MLN: variants seen among roughly 807,000 people sequenced by gnomAD.
MLN encodes the protein promotilin.
Under a neutral mutation model 13.3 loss-of-function variants are expected in MLN, and 14 were observed. The ratio of observed to expected loss-of-function variants is 1.05; its 90% CI spans 0.69 to 1.64. The LOEUF is 1.64. Ranked by LOEUF, MLN falls within the 40% of genes most tolerant of loss-of-function variation. MLN has a pLI of 0.00. For missense variants in MLN, 122 were observed against 142.9 expected (o/e 0.85, Z 0.75); for synonymous variants, 59 against 54.7 (o/e 1.08, Z -0.34).
At chr6:33,800,380 C>T (rs1768014702) in intron 2 of MLN, among the ~76,000 whole-genome samples, 1 of 152,222 alleles carries the variant, frequency 6.6e-6, no homozygotes. Context: ...GCTCCACTGC[C>T]TGAGTTCCAT....
intron 4 of MLN, 96 bp from the exon 5 acceptor site, chr6:33,794,931 G>T: frequency 6.7e-7 from 1 of 1,487,870 alleles, no homozygotes. Flanking sequence ...GGAGGAGGGG[G>T]CACAAGGGCA....
rs1206499517 is a variant in MLN, at chr6:33,799,169, G to T, written c.170C>A (p.Ser57Tyr). 2 of 1,613,082 alleles carry T rather than the reference G, an allele frequency of 1.2e-6. No homozygotes were observed. Among genetic ancestry groups the T allele is most frequent in the East Asian group, 2.2e-5 (1 of 44,850 alleles). The change falls in exon 3 of 5, where the codon TCT becomes TAT. Residue 57 changes from serine (S) to tyrosine (Y), a missense_variant. By Grantham distance (144) the Ser-to-Tyr change is moderately radical (BLOSUM62 -2). Coordinates refer to ENST00000430124, the MANE Select transcript of MLN (RefSeq NM_002418.3). This position sits in a 1 kb window ranked among gnomAD's most constrained non-coding sequence, Gnocchi z 4.6. ...AGGGTCTACAGGACCTTCCTCCCCA[G>T]ACCTCTGCCATACACTCAGGGATTT... Reference protein sequence around the residue: ...QKKSLSVWQRSGEEGPVDPAE... With the variant: ...QKKSLSVWQRYGEEGPVDPAE...
At chr6:33,801,232 C>T (rs921624738) in intron 1 of MLN, 62 bp from the exon 2 acceptor site, 66 of 1,257,686 alleles carry the variant, frequency 5.2e-5, no homozygotes, top group East Asian at 7.0e-5. Context: ...CTGCTGTGTC[C>T]GAGGCAGGGG....
At chr6:33,797,499 G>C (rs114139004) in intron 3 of MLN, among the ~76,000 whole-genome samples, 1,918 of 152,262 alleles carry the variant, frequency 0.013, 28 homozygotes, top group African/African-American at 0.043. Flanking sequence ...CTGCCATCCT[G>C]CAGCCAACCA....
At chr6:33,797,600 C>T (rs1024120186) in intron 3 of MLN, among the ~76,000 whole-genome samples, 1 of 152,180 alleles carries the variant, frequency 6.6e-6, no homozygotes, top group Non-Finnish European at 1.5e-5. Flanking sequence ...TCTTTACATC[C>T]TATATCCATT....
At chr6:33,794,897 C>T in intron 4 of MLN, 62 bp from the exon 5 acceptor site, 1 of 1,597,110 alleles carries the variant, frequency 6.3e-7, no homozygotes, top group Non-Finnish European at 8.5e-7. Flanking sequence ...AAACTGCCCT[C>T]TAAAACTTGC....
chr6:33,798,927 G>A (rs527886169), intron 3 of MLN, among the ~76,000 whole-genome samples, 178 bp downstream of exon 3: 4 of 152,028 alleles, frequency 2.6e-5, no homozygotes, highest in Non-Finnish European at 4.4e-5. Flanking sequence ...GATTTATCTC[G>A]TTGCTGGAGT....
Position 33,794,719 on chromosome 6 carries a change from G to T in MLN, c.*106C>A, listed in dbSNP as rs1582271078. The T allele has an allele frequency of 3.8e-6, 5 of 1,319,668 alleles. No homozygotes were observed. Among genetic ancestry groups the T allele is most frequent in the East Asian group, 4.8e-5 (2 of 41,524 alleles). The allele number at this position is 1,319,668 out of a possible 1,614,324, so 81.7% of individuals were successfully genotyped here. A position where few individuals can be genotyped will look rare whatever the true frequency, so the allele number is the denominator to read the frequency against. ...GCTGGAGGGGAATTTGCTTTGGAAA[G>T]GGTGTTTTCCTTCCAAGCCCAGCTG... is the stretch of plus-strand genomic sequence containing the variant. On this transcript the variant is annotated 3_prime_UTR_variant, in exon 5 of 5. Transcript: ENST00000430124.
In MLN at chr6:33,799,171, C is replaced by T; in HGVS notation, c.168G>A (p.Arg56=). Residue 56 remains arginine, a synonymous_variant, in exon 3 of 5, where the codon AGG becomes AGA. Coordinates refer to ENST00000430124, the MANE Select transcript of MLN (RefSeq NM_002418.3). The surrounding 1 kb of genome is among the most constrained non-coding windows in gnomAD (Gnocchi z 4.6). The part of the protein sequence containing the change: ...GQKKSLSVWQ[R]SGEEGPVDPA... Reference sequence around the variant, plus strand: ...GGTCTACAGGACCTTCCTCCCCAGACCTCTGCCATACACTCAGGGATTTCT... The same window carrying T: ...GGTCTACAGGACCTTCCTCCCCAGATCTCTGCCATACACTCAGGGATTTCT... The T allele has an allele frequency of 6.2e-7, 1 of 1,613,324 alleles. No individual in the cohort carries two copies. The highest frequency in any genetic ancestry group is 8.5e-7 in the Non-Finnish European group (1 of 1,179,446).
chr6:33,794,766 G>C lies in MLN; in HGVS notation c.*59C>G, dbSNP rs1582271126. On this transcript the variant is annotated 3_prime_UTR_variant, in exon 5 of 5. Coordinates refer to ENST00000430124, the MANE Select transcript of MLN (RefSeq NM_002418.3). ...GCTGGCAGGCTCTGTAAATTCCCAG[G>C]GCCTCACTTGGGCAGGAGGGGCCTC... The C allele has an allele frequency of 6.2e-7, 1 of 1,601,460 alleles. No homozygotes were observed. The highest frequency in any genetic ancestry group is 1.3e-5 in the African/African-American group (1 of 74,644).
At chr6:33,795,351 G>A (rs1298124683) in intron 4 of MLN, 152 bp downstream of exon 4, 18 of 658,322 alleles carry the variant, frequency 2.7e-5, no homozygotes, top group East Asian at 1.4e-4. Context: ...CCACCAGCAG[G>A]TATCACAGCA....
Position 33,795,559 on chromosome 6 carries a change from A to G in MLN, c.281T>C (p.Leu94Pro). 5 of 1,566,668 alleles carry G rather than the reference A, an allele frequency of 3.2e-6. No individual in the cohort carries two copies. In the South Asian group the frequency reaches 5.9e-5, roughly 18 times the overall value. ...EIGMRMNSRQ[L>P]EKYPATLEGL... ...TTCCAGGGTGGCCGGGTACTTTTCC[A>G]GCTGTCTGGAGTTCATCCTCATTCC... The change falls in exon 4 of 5, where the codon CTG (leucine) becomes CCG (proline). Residue 94 changes from leucine (L) to proline (P), a missense_variant. Leu to Pro is a moderately conservative substitution (Grantham distance 98). Coordinates refer to ENST00000430124, the MANE Select transcript of MLN (RefSeq NM_002418.3).
chr6:33,799,268 A>C lies in MLN; in HGVS notation c.118-47T>G. On this transcript the variant is annotated intron_variant, in intron 2 of 4. Transcript: ENST00000430124. This position sits in a 1 kb window ranked among gnomAD's most constrained non-coding sequence, Gnocchi z 4.6. Reference sequence around the variant, plus strand: ...GCACAAAACCGCCCTCCCTCAACCCACGCTGATGGCCCCTTGCCTGTCTCC... The same window carrying C: ...GCACAAAACCGCCCTCCCTCAACCCCCGCTGATGGCCCCTTGCCTGTCTCC... 1 of 1,354,522 alleles carries C rather than the reference A, an allele frequency of 7.4e-7. No homozygotes were observed. The highest frequency in any genetic ancestry group is 1.1e-6 in the Non-Finnish European group (1 of 949,750). The allele number at this position is 1,354,522 out of a possible 1,614,324, so 83.9% of individuals were successfully genotyped here. A position where few individuals can be genotyped will look rare whatever the true frequency, so the allele number is the denominator to read the frequency against.
chr6:33,801,912 G>A (rs1672234438), intron 1 of MLN, among the ~76,000 whole-genome samples: 1 of 152,238 alleles, frequency 6.6e-6, no homozygotes, highest in African/African-American at 2.4e-5. Flanking sequence ...AAGCAGGTAT[G>A]TGTGGAATGG....
At chr6:33,795,644 G>A (rs780016917) in intron 3 of MLN, 39 bp from the exon 4 acceptor site, 1 of 1,528,076 alleles carries the variant, frequency 6.5e-7, no homozygotes, top group South Asian at 1.2e-5. Flanking sequence ...GGGAGAGGTG[G>A]AGAGGGCCCT....
intron 2 of MLN, among the ~76,000 whole-genome samples, chr6:33,800,054 C>A (rs1561935003): frequency 2.0e-5 from 3 of 152,180 alleles, no homozygotes. Flanking sequence ...TGTCTGCTTG[C>A]AGAAGGGGAG....
chr6:33,797,150 A>T (rs1478726613), intron 3 of MLN, among the ~76,000 whole-genome samples: 1 of 152,204 alleles, frequency 6.6e-6, no homozygotes, highest in Non-Finnish European at 1.5e-5. Flanking sequence ...GGGAGGTGGG[A>T]GTCCAGCTGG....
rs1767867103 is a variant in MLN at position 33,794,678 on chromosome 6, A to T, written c.*147T>A. 1 of 859,220 alleles carries T rather than the reference A, an allele frequency of 1.2e-6. No individual in the cohort carries two copies. The allele number at this position is 859,220 out of a possible 1,614,324, so 53.2% of individuals were successfully genotyped here. ...TATTAAATAAGAGTCATTTCTGTAT[A>T]TTTCATGCTTTATTTGCTGGAGGGG... is the stretch of plus-strand genomic sequence containing the variant. On this transcript the variant is annotated 3_prime_UTR_variant, in exon 5 of 5. Coordinates refer to ENST00000430124, the MANE Select transcript of MLN (RefSeq NM_002418.3).
chr6:33,799,066 G>A lies in MLN; in HGVS notation c.234+39C>T, dbSNP rs1446102961. 3 of 1,447,438 alleles carry A rather than the reference G, an allele frequency of 2.1e-6. No individual in the cohort carries two copies. In the African/African-American group the frequency reaches 4.2e-5, roughly 20 times the overall value. The allele number at this position is 1,447,438 out of a possible 1,614,324, so 89.7% of individuals were successfully genotyped here. On this transcript the variant is annotated intron_variant, in intron 3 of 4. Transcript: ENST00000430124. This position sits in a 1 kb window ranked among gnomAD's most constrained non-coding sequence, Gnocchi z 4.6. ...GGCCAGGCAGGGGAATGCATGCCCT[G>A]CTCTGAGTTTCTCTCCTTTGTCCCA...
Sources: allele counts gnomAD v4.1 joint callset (sites outside exome capture counted in the v4.1 genomes callset), GRCh38; gene constraint gnomAD v4.1.1; non-coding constraint Gnocchi (gnomAD v3.1); transcripts MANE v1.5; gene names NCBI Gene and HGNC (gene_info 2026-07-23, HGNC 2026-07-21).